The following SH3RF3 variants were observed in gnomAD, a reference collection of about 807,000 sequenced individuals.
The protein encoded by SH3RF3 is SH3 domain containing ring finger 3.
In SH3RF3, 29 loss-of-function variants were observed where a neutral mutation model predicts 66.3. That is an observed-to-expected ratio of 0.44 (90% confidence interval 0.33 to 0.60). SH3RF3 has a LOEUF of 0.60. Ranked by LOEUF, SH3RF3 falls within the 20% of genes least tolerant of loss-of-function variation. The pLI, the probability that SH3RF3 is intolerant of heterozygous loss-of-function variation, is 0.04. For missense variants in SH3RF3, 1,194 were observed against 1,190.9 expected, an observed-to-expected ratio of 1.00 and a Z score of -0.04; for synonymous variants, 583 against 532.0, an observed-to-expected ratio of 1.10 and a Z score of -1.32.
At chr2:109,412,686 G>A (rs1368748646) in intron 4 of SH3RF3, among the ~76,000 whole-genome samples, 1 of 152,238 alleles carries the variant, frequency 6.6e-6, no homozygotes, top group Non-Finnish European at 1.5e-5. Flanking sequence ...GACCTCAAGT[G>A]TTAACTCTGT....
rs775243700 is a variant in SH3RF3, at chr2:109,419,629, C to G, written c.1390C>G (p.Leu464Val). The change falls in exon 5 of 10, where the codon CTG (leucine) becomes GTG (valine). Residue 464 changes from leucine to valine, a missense_variant. Physicochemically the swap from Leu to Val is conservative, Grantham distance 32. Coordinates refer to ENST00000309415, the MANE Select transcript of SH3RF3 (RefSeq NM_001099289.3). Reference sequence around the variant, plus strand: ...GCAGGGCACGCCTCCCAAGGTCCAGCTGCCCCTCAACGTGTGAGCTGCCCT... The same window carrying G: ...GCAGGGCACGCCTCCCAAGGTCCAGGTGCCCCTCAACGTGTGAGCTGCCCT... ...GEQGTPPKVQ[L>V]PLNVYLALYA... 3 of 1,581,750 alleles carry G rather than the reference C, an allele frequency of 1.9e-6. No homozygotes were observed. The highest frequency in any genetic ancestry group is 1.8e-5 in the Admixed American group (1 of 55,470).
chr2:109,459,047 G>A (rs901657196), intron 8 of SH3RF3, among the ~76,000 whole-genome samples: 4 of 152,074 alleles, frequency 2.6e-5, no homozygotes, highest in African/African-American at 9.7e-5. Context: ...CAACAAGCCT[G>A]ACTACACCAA....
chr2:109,225,327 C>T (rs945187111), intron 1 of SH3RF3, among the ~76,000 whole-genome samples: 10 of 152,340 alleles, frequency 6.6e-5, no homozygotes, highest in African/African-American at 2.4e-4. Context: ...GTGGAGAGAC[C>T]TGCAAGTAAC....
intron 9 of SH3RF3, among the ~76,000 whole-genome samples, chr2:109,500,761 C>A (rs940330674): frequency 6.6e-6 from 1 of 152,016 alleles, no homozygotes; most frequent in African/African-American, 2.4e-5. Context: ...CCAGCCTGGG[C>A]AACATAGCAA....
chr2:109,150,796 A>T (rs779261708), intron 1 of SH3RF3, among the ~76,000 whole-genome samples: 3 of 152,190 alleles, frequency 2.0e-5, no homozygotes, highest in Non-Finnish European at 4.4e-5. Flanking sequence ...TTACCTCCTT[A>T]TCAGGCTGTT....
chr2:109,339,112 A>AC (rs1682496754), intron 1 of SH3RF3, among the ~76,000 whole-genome samples: 1 of 152,188 alleles, frequency 6.6e-6, no homozygotes, highest in Non-Finnish European at 1.5e-5. Flanking sequence ...TGTGGGCTGA[A>AC]CAGGAGGAGG....
In SH3RF3 at chr2:109,319,974, T is replaced by A. The variant is rs564652592; in HGVS notation, c.574-27700T>A. 7.2e-5 allele frequency among the ~76,000 whole-genome samples: 11 copies of A among 152,106 alleles called. No individual in the cohort carries two copies. The East Asian group carries it at 2.1e-3, about 30-fold the overall frequency. ...CTGTGAGAAGTAAGAGAAGTCAGAGTGGGTGATGGAGAGTGGGGGGTGCTA... is the reference window on the plus strand; with the variant it reads ...CTGTGAGAAGTAAGAGAAGTCAGAGAGGGTGATGGAGAGTGGGGGGTGCTA... On this transcript the variant is annotated intron_variant, in intron 1 of 9. Transcript: ENST00000309415.
chr2:109,293,279 TACCC>T (rs931121676), intron 1 of SH3RF3, among the ~76,000 whole-genome samples: 7 of 152,192 alleles, frequency 4.6e-5, no homozygotes, highest in African/African-American at 1.7e-4. Flanking sequence ...CTGCTAAAAA[TACCC>T]AGCACTGCAC....
intron 1 of SH3RF3, among the ~76,000 whole-genome samples, chr2:109,132,845 T>C (rs1379517202): frequency 6.6e-6 from 1 of 152,252 alleles, no homozygotes; most frequent in East Asian, 1.9e-4. Flanking sequence ...TTCAGTGCAG[T>C]GGGAGTCTTG....
chr2:109,362,386 A>G (rs930672286), intron 2 of SH3RF3, among the ~76,000 whole-genome samples: 1 of 152,170 alleles, frequency 6.6e-6, no homozygotes, highest in Non-Finnish European at 1.5e-5. Context: ...CTATCTTTCT[A>G]TTATGGATGT....
At chr2:109,427,474 A>C (rs966858761) in intron 5 of SH3RF3, among the ~76,000 whole-genome samples, 2 of 152,166 alleles carry the variant, frequency 1.3e-5, no homozygotes, top group African/African-American at 4.8e-5. Flanking sequence ...CTGTACCTGG[A>C]GGGCTGTTGA....
chr2:109,265,258 A>T (rs564379160), intron 1 of SH3RF3, among the ~76,000 whole-genome samples: 1 of 152,210 alleles, frequency 6.6e-6, no homozygotes, highest in Non-Finnish European at 1.5e-5. Flanking sequence ...GGACAAGGCC[A>T]GGGGAGCTCT....
chr2:109,145,316 T>G (rs544170557), intron 1 of SH3RF3, among the ~76,000 whole-genome samples: 17 of 152,272 alleles, frequency 1.1e-4, no homozygotes, highest in African/African-American at 3.8e-4. Context: ...TCAGCCCCCT[T>G]TAGTCCGGAC....
chr2:109,429,986 A>G (rs552272971), intron 5 of SH3RF3, among the ~76,000 whole-genome samples: 124 of 152,212 alleles, frequency 8.1e-4, no homozygotes, highest in African/African-American at 2.9e-3. Context: ...CCCACCCCAC[A>G]CAGGCCACTG....
intron 3 of SH3RF3, among the ~76,000 whole-genome samples, chr2:109,384,169 G>A (rs1446638938): frequency 6.6e-6 from 1 of 152,178 alleles, no homozygotes; most frequent in Non-Finnish European, 1.5e-5. Flanking sequence ...GGGGTCCCAC[G>A]TTCATCCAGT....
At chr2:109,463,741 A>G (rs930758910) in intron 8 of SH3RF3, among the ~76,000 whole-genome samples, 1 of 152,224 alleles carries the variant, frequency 6.6e-6, no homozygotes, top group African/African-American at 2.4e-5. Flanking sequence ...ACCTGGCTGC[A>G]AATGTTTGTT....
At chr2:109,355,850 A>G (rs1682936031) in intron 2 of SH3RF3, among the ~76,000 whole-genome samples, 1 of 152,240 alleles carries the variant, frequency 6.6e-6, no homozygotes, top group South Asian at 2.1e-4. Context: ...TCTGTGAAGC[A>G]GCTATTTCCT....
intron 7 of SH3RF3, among the ~76,000 whole-genome samples, chr2:109,444,238 A>C (rs1005880484): frequency 6.6e-6 from 1 of 152,240 alleles, no homozygotes; most frequent in African/African-American, 2.4e-5. Flanking sequence ...TGGGAAGCTA[A>C]CACTGATTTA....
At chr2:109,292,407 T>C (rs1681206899) in intron 1 of SH3RF3, among the ~76,000 whole-genome samples, 1 of 152,256 alleles carries the variant, frequency 6.6e-6, no homozygotes, top group Non-Finnish European at 1.5e-5. Context: ...CTTAATGCTA[T>C]GTTTAATTGG....
Sources: allele counts gnomAD v4.1 joint callset (sites outside exome capture counted in the v4.1 genomes callset), GRCh38; gene constraint gnomAD v4.1.1; transcripts MANE v1.5; gene names NCBI Gene and HGNC (gene_info 2026-07-23, HGNC 2026-07-21).